The following CATSPERQ variants were observed in gnomAD, a reference collection of about 807,000 sequenced individuals.
The protein encoded by CATSPERQ is cation channel sperm-associated auxiliary subunit theta.
At chr8:144,354,433 C>T in the CATSPERQ span, 17 of 1,337,790 alleles carry the variant, frequency 1.3e-5, no homozygotes, top group African/African-American at 1.5e-5. This position sits in a 1 kb window ranked among gnomAD's most constrained non-coding sequence, Gnocchi z 4.6. Flanking sequence ...GCAGGGCTCG[C>T]GGAGGCGACG....
chr8:144,354,792 C>G, the CATSPERQ span: 2 of 1,526,452 alleles, frequency 1.3e-6, no homozygotes, highest in Non-Finnish European at 1.8e-6. The surrounding 1 kb of genome is among the most constrained non-coding windows in gnomAD (Gnocchi z 4.6). Flanking sequence ...GGTGGTCAGC[C>G]TGGCCGCTCG....
At chr8:144,354,563 C>A in the CATSPERQ span, 3 of 711,100 alleles carry the variant, frequency 4.2e-6, no homozygotes, top group East Asian at 6.5e-5. The surrounding 1 kb of genome is among the most constrained non-coding windows in gnomAD (Gnocchi z 4.6). Context: ...CCTCCTCCCC[C>A]GCCCCGCCCT....
chr8:144,354,453 C>T, the CATSPERQ span: 1 of 1,298,542 alleles, frequency 7.7e-7, no homozygotes, highest in Non-Finnish European at 1.0e-6. The surrounding 1 kb of genome is among the most constrained non-coding windows in gnomAD (Gnocchi z 4.6). Context: ...GTCTCGCCTG[C>T]GGCCTCTCCG....
chr8:144,354,574 T>TGCCCCCCC, the CATSPERQ span: 3 of 322,944 alleles, frequency 9.3e-6, no homozygotes, highest in Non-Finnish European at 5.4e-6. This position sits in a 1 kb window ranked among gnomAD's most constrained non-coding sequence, Gnocchi z 4.6. Flanking sequence ...GCCCCGCCCT[T>TGCCCCCCC]CCCAGCCCCG....
chr8:144,353,571 AC>A, the CATSPERQ span: 1 of 1,499,864 alleles, frequency 6.7e-7, no homozygotes, highest in Non-Finnish European at 8.9e-7. Flanking sequence ...GACAGGACAG[AC>A]CCGAGTCGCC....
the CATSPERQ span, chr8:144,354,841 C>A: frequency 8.1e-6 from 12 of 1,490,536 alleles, no homozygotes; most frequent in Non-Finnish European, 1.1e-5. The surrounding 1 kb of genome is among the most constrained non-coding windows in gnomAD (Gnocchi z 4.6). Context: ...GGCACTCCTA[C>A]CTCGGTGAGC....
At chr8:144,354,420 C>A in the CATSPERQ span, 64 of 1,389,170 alleles carry the variant, frequency 4.6e-5, no homozygotes, top group Non-Finnish European at 5.8e-5. This position sits in a 1 kb window ranked among gnomAD's most constrained non-coding sequence, Gnocchi z 4.6. Context: ...TAGCTGGGTC[C>A]GCGCAGGGCT....
chr8:144,353,998 C>T, the CATSPERQ span: 2 of 1,534,916 alleles, frequency 1.3e-6, no homozygotes, highest in Non-Finnish European at 1.7e-6. Context: ...ATGCAAGGGG[C>T]CCTGGCACAC....
At chr8:144,353,486 G>A in the CATSPERQ span, 3 of 1,535,908 alleles carry the variant, frequency 2.0e-6, no homozygotes, top group Admixed American at 3.9e-5. Flanking sequence ...AGTAGTTGAT[G>A]TTGAGTTTCC....
the CATSPERQ span, chr8:144,354,688 C>T: frequency 1.2e-5 from 19 of 1,535,446 alleles, no homozygotes; most frequent in Admixed American, 2.0e-4. The surrounding 1 kb of genome is among the most constrained non-coding windows in gnomAD (Gnocchi z 4.6). Context: ...GCGCTCCGGG[C>T]AGGTGAGTCC....
chr8:144,354,572 C>T, the CATSPERQ span: 2 of 778,268 alleles, frequency 2.6e-6, no homozygotes, highest in Non-Finnish European at 3.9e-6. The surrounding 1 kb of genome is among the most constrained non-coding windows in gnomAD (Gnocchi z 4.6). Context: ...CCGCCCCGCC[C>T]TTCCCAGCCC....
chr8:144,354,625 T>C, the CATSPERQ span: 26 of 1,466,226 alleles, frequency 1.8e-5, no homozygotes, highest in Admixed American at 1.5e-4. This position sits in a 1 kb window ranked among gnomAD's most constrained non-coding sequence, Gnocchi z 4.6. Context: ...ACCGTTTGGC[T>C]CCTGCTGCAC....
chr8:144,354,276 G>A, the CATSPERQ span: 1 of 1,535,344 alleles, frequency 6.5e-7, no homozygotes, highest in East Asian at 2.4e-5. This position sits in a 1 kb window ranked among gnomAD's most constrained non-coding sequence, Gnocchi z 4.6. Flanking sequence ...CCACGCTGAT[G>A]ATGAAGAGCA....
At chr8:144,353,324 C>G in the CATSPERQ span, 1 of 1,517,076 alleles carries the variant, frequency 6.6e-7, no homozygotes, top group Non-Finnish European at 8.8e-7. Flanking sequence ...GAACACAGTC[C>G]CGAGGTGGGG....
the CATSPERQ span, chr8:144,353,906 C>A: frequency 6.5e-7 from 1 of 1,528,762 alleles, no homozygotes; most frequent in Non-Finnish European, 8.8e-7. Flanking sequence ...GCCCCTCCGA[C>A]CTCCCAAGCT....
At chr8:144,353,595 C>T in the CATSPERQ span, 3 of 1,475,510 alleles carry the variant, frequency 2.0e-6, no homozygotes, top group Non-Finnish European at 2.7e-6. Context: ...CCAGGCGTCT[C>T]CTTCCCCTAC....
chr8:144,353,654 C>T, the CATSPERQ span: 1 of 1,451,370 alleles, frequency 6.9e-7, no homozygotes, highest in Non-Finnish European at 9.2e-7. Context: ...CTCTCCACGG[C>T]CCCCAGCACC....
chr8:144,354,563 CGCCCCGCCCTTCCCA>C, the CATSPERQ span: 4 of 710,140 alleles, frequency 5.6e-6, no homozygotes, highest in East Asian at 3.2e-5. The surrounding 1 kb of genome is among the most constrained non-coding windows in gnomAD (Gnocchi z 4.6). Context: ...CCTCCTCCCC[CGCCCCGCCCTTCCCA>C]GCCCCGCCCC....
At chr8:144,354,319 T>C in the CATSPERQ span, 9 of 1,533,362 alleles carry the variant, frequency 5.9e-6, no homozygotes, top group Non-Finnish European at 7.9e-6. This position sits in a 1 kb window ranked among gnomAD's most constrained non-coding sequence, Gnocchi z 4.6. Context: ...CAGGTAGTAT[T>C]CGAGCACGAA....
Sources: allele counts gnomAD v4.1 joint callset, GRCh38; gene constraint gnomAD v4.1.1; non-coding constraint Gnocchi (gnomAD v3.1); transcripts MANE v1.5; gene names NCBI Gene and HGNC (gene_info 2026-07-23, HGNC 2026-07-21).